Variants in PIK3C2B observed in about 807,000 individuals in gnomAD.
PIK3C2B encodes the protein phosphatidylinositol-4-phosphate 3-kinase catalytic subunit type 2 beta, also known as phosphatidylinositol 4-phosphate 3-kinase C2 domain-containing subunit beta.
A neutral mutation model predicts 184.3 loss-of-function variants in PIK3C2B; 83 were observed. The observed-to-expected ratio is 0.45, with a 90% CI of 0.38 to 0.54. The LOEUF (loss-of-function observed/expected upper bound fraction) is 0.54, where lower values mean the gene tolerates loss of function less well. Among genes scored for constraint, PIK3C2B ranks in the 20% least tolerant of loss-of-function variants. The pLI, the probability that PIK3C2B is intolerant of heterozygous loss-of-function variation, is 0.00. For synonymous variants in PIK3C2B, 779 were observed against 837.6 expected, an observed-to-expected ratio of 0.93 and a Z score of 1.21; for missense variants, 1,736 against 2,113.5, an observed-to-expected ratio of 0.82 and a Z score of 3.50.
chr1:204,471,661 G>A (rs1656293326), intron 1 of PIK3C2B, among the ~76,000 whole-genome samples: 1 of 139,742 alleles, frequency 7.2e-6, no homozygotes, highest in South Asian at 2.4e-4. Context: ...CTCACATGAT[G>A]GCTTCACTGG....
intron 10 of PIK3C2B, among the ~76,000 whole-genome samples, 129 bp downstream of exon 10, chr1:204,456,880 ACACACACACACACACACACACACACACC>A (rs1322355288): frequency 2.9e-4 from 19 of 65,110 alleles, no homozygotes; most frequent in African/African-American, 7.0e-4. Context: ...AGGAACACAC[ACACACACACACACACACACACACACACC>A]CACACACACA....
chr1:204,441,409 C>T (rs1675654116), intron 21 of PIK3C2B, 62 bp downstream of exon 21: 3 of 1,083,200 alleles, frequency 2.8e-6, no homozygotes, highest in Admixed American at 1.7e-5. Context: ...CTTAATGCCA[C>T]TCTAGGCTGC....
chr1:204,469,508 G>A lies in PIK3C2B; in HGVS notation c.295C>T (p.Gln99Ter). 6.2e-7 allele frequency: 1 copy of A among 1,607,886 alleles called. No individual in the cohort carries two copies. The highest frequency in any genetic ancestry group is 8.5e-7 in the Non-Finnish European group (1 of 1,176,810). ...GTAGAGTGGTTGGGCGGCCCTTCCT[G>A]TGGGGAGAGTGAGTTGTAGTTAAGG... The part of the protein sequence containing the change: ...PTLNYNSLSP[Q>*]EGPPNHSTSQ... The change falls in exon 2 of 33, where the codon CAG becomes TAG. Residue 99 changes from glutamine to a stop codon, truncating the protein, a stop_gained. Coordinates refer to ENST00000684373, the MANE Select transcript of PIK3C2B (RefSeq NM_001377334.1). LOFTEE classifies it high-confidence loss of function.
intron 1 of PIK3C2B, among the ~76,000 whole-genome samples, chr1:204,483,487 C>CTG (rs10664961): frequency 0.62 from 94,108 of 151,734 alleles, 31,116 homozygotes; most frequent in Non-Finnish European, 0.72. Context: ...CCCTGATACT[C>CTG]TGTTTCACAC....
chr1:204,430,522 TTTTAG>T (rs1674991614), intron 28 of PIK3C2B, among the ~76,000 whole-genome samples: 1 of 149,810 alleles, frequency 6.7e-6, no homozygotes, highest in South Asian at 2.1e-4. Flanking sequence ...ATTTTTGTAT[TTTTAG>T]TAGAGGGGGG....
chr1:204,472,963 A>C (rs1656414265), intron 1 of PIK3C2B, among the ~76,000 whole-genome samples: 1 of 152,220 alleles, frequency 6.6e-6, no homozygotes, highest in Non-Finnish European at 1.5e-5. Flanking sequence ...TGAAGTAGTC[A>C]CTTCTGACTC....
At position 204,468,967 on chromosome 1, in the gene PIK3C2B, G is replaced by C. The variant is rs1452246137; in HGVS notation, c.836C>G (p.Thr279Ser). 3 of 1,614,228 alleles carry C rather than the reference G, an allele frequency of 1.9e-6. No individual in the cohort carries two copies. Among genetic ancestry groups the C allele is most frequent in the South Asian group, 1.1e-5 (1 of 91,078 alleles). Residue 279 changes from threonine (T) to serine (S), a missense_variant, in exon 2 of 33, where the codon ACT (threonine) becomes AGT (serine). By Grantham distance (58) the Thr-to-Ser change is moderately conservative. Coordinates refer to ENST00000684373, the MANE Select transcript of PIK3C2B (RefSeq NM_001377334.1). ...TSGKPVARSK[T>S]MPPQVPPRTY... ...GCGGGGGGGCACCTGAGGGGGCATA[G>C]TCTTGCTCCTGGCCACGGGTTTTCC... is the stretch of plus-strand genomic sequence containing the variant.
intron 21 of PIK3C2B, 29 bp downstream of exon 21, chr1:204,441,432 CCCACCCTGGT>C (rs1334221828): frequency 7.1e-7 from 1 of 1,407,588 alleles, no homozygotes; most frequent in Admixed American, 1.7e-5. Flanking sequence ...CCTTCTCTCT[CCCACCCTGGT>C]CCACCAGGCT....
chr1:204,446,050 T>C lies in PIK3C2B; in HGVS notation c.2584A>G (p.Ser862Gly), dbSNP rs1227053182. 1 of 1,602,564 alleles carries C rather than the reference T, an allele frequency of 6.2e-7. No individual in the cohort carries two copies. Among genetic ancestry groups the C allele is most frequent in the South Asian group, 1.1e-5 (1 of 89,718 alleles). Reference protein sequence around the residue: ...SLPLVLASAPSWEWACLPDIY... With the variant: ...SLPLVLASAPGWEWACLPDIY... ...TCAGGCAGGCAAGCCCACTCCCAGC[T>C]GGGGGCGCTGGCGAGCACCAGGGGG... Residue 862 changes from serine to glycine, a missense_variant, in exon 16 of 33, where the codon AGC becomes GGC. Physicochemically the swap from Ser to Gly is moderately conservative, Grantham distance 56. Transcript: ENST00000684373.
Position 204,468,898 on chromosome 1 carries a change from C to A in PIK3C2B, c.905G>T (p.Gly302Val). Residue 302 changes from glycine (G) to valine (V), a missense_variant, in exon 2 of 33, where the codon GGC becomes GTC. Gly to Val is a moderately radical substitution (Grantham distance 109, BLOSUM62 -3). This residue lies in a region of PIK3C2B where 404 missense variants were observed against 418.0 expected (regional missense o/e 0.97). Coordinates refer to ENST00000684373, the MANE Select transcript of PIK3C2B (RefSeq NM_001377334.1). ...RYGNRKNATPGKNRRISAAPV... is the reference protein window; with the variant it reads ...RYGNRKNATPVKNRRISAAPV... The stretch of plus-strand genomic sequence containing the variant: ...GGCTGCAGAAATCCGGCGGTTCTTG[C>A]CAGGCGTCGCATTCTTTCGGTTGCC... 6.3e-7 allele frequency: 1 copy of A among 1,595,272 alleles called. No homozygotes were observed. Among genetic ancestry groups the A allele is most frequent in the South Asian group, 1.1e-5 (1 of 88,556 alleles).
intron 21 of PIK3C2B, among the ~76,000 whole-genome samples, chr1:204,440,601 T>TTC (rs1193363163): frequency 6.7e-6 from 1 of 148,662 alleles, no homozygotes; most frequent in African/African-American, 2.5e-5. Flanking sequence ...TCAGGCCTTT[T>TTC]TTTTTTTTTT....
In PIK3C2B at chr1:204,423,012, G is replaced by C. The variant is rs991356163; in HGVS notation, c.*1840C>G. The C allele has an allele frequency of 6.6e-6, 1 of 152,244 alleles. No homozygotes were observed. The highest frequency in any genetic ancestry group is 1.5e-5 in the Non-Finnish European group (1 of 68,048). 9.4% of individuals were successfully genotyped at this position (152,244 alleles called of 1,614,324 possible). ...TGGAATTAGGGAGGGACAGTTTACA[G>C]AATGTCCTCATTTCACTCTTTTCCC... On this transcript the variant is annotated 3_prime_UTR_variant, in exon 33 of 33. Coordinates refer to ENST00000684373, the MANE Select transcript of PIK3C2B (RefSeq NM_001377334.1).
At chr1:204,489,189 C>T (rs1657838889) in intron 1 of PIK3C2B, among the ~76,000 whole-genome samples, 1 of 152,096 alleles carries the variant, frequency 6.6e-6, no homozygotes, top group Admixed American at 6.6e-5. Flanking sequence ...CTCACTCTGT[C>T]ACCCAGGCTA....
chr1:204,440,683 G>A (rs569300025), intron 21 of PIK3C2B, among the ~76,000 whole-genome samples: 46 of 135,358 alleles, frequency 3.4e-4, no homozygotes, highest in African/African-American at 1.2e-3. Context: ...CGCAACCTCC[G>A]CCTCCCAGGT....
intron 2 of PIK3C2B, among the ~76,000 whole-genome samples, chr1:204,468,311 G>A (rs1029903481): frequency 2.8e-4 from 42 of 152,154 alleles, no homozygotes; most frequent in Non-Finnish European, 4.4e-4. Flanking sequence ...GCTTAGGAAC[G>A]AGAGAGGCCA....
At chr1:204,466,934 C>T (rs760421057) in intron 2 of PIK3C2B, 3 of 532,748 alleles carry the variant, frequency 5.6e-6, no homozygotes, top group South Asian at 1.4e-5. Flanking sequence ...GCTGGAAGCC[C>T]GACGAAAGCG....
chr1:204,429,013 C>A, intron 29 of PIK3C2B: 1 of 413,198 alleles, frequency 2.4e-6, no homozygotes, highest in Non-Finnish European at 4.8e-6. Context: ...CGCTTGAGCT[C>A]AGGAGTCTGA....
chr1:204,445,430 C>T (rs1057230970), intron 16 of PIK3C2B, among the ~76,000 whole-genome samples: 2 of 151,900 alleles, frequency 1.3e-5, no homozygotes, highest in South Asian at 4.2e-4. Context: ...TTTATCTCTA[C>T]AAAAAAATTT....
chr1:204,456,897 C>CAA, intron 10 of PIK3C2B, 140 bp downstream of exon 10: 1 of 468,798 alleles, frequency 2.1e-6, no homozygotes, highest in Middle Eastern at 5.7e-4. Context: ...CACACACACA[C>CAA]ACACACACAC....
Sources: gnomAD v4.1 joint callset for allele counts (sites outside exome capture counted in the v4.1 genomes callset) on GRCh38, gnomAD v4.1.1 for gene constraint, gnomAD v4.1.1 regional missense constraint, MANE v1.5 for transcripts, NCBI Gene and HGNC (gene_info 2026-07-23, HGNC 2026-07-21) for gene names.